ASXL3: variants seen among roughly 807,000 people sequenced by gnomAD.
ASXL3 encodes ASXL transcriptional regulator 3, also known as putative Polycomb group protein ASXL3.
Under a neutral mutation model 170.6 loss-of-function variants are expected in ASXL3, and 34 were observed. The observed-to-expected ratio is 0.20, with a 90% CI of 0.15 to 0.27. The LOEUF (loss-of-function observed/expected upper bound fraction) is 0.27. Ranked by LOEUF, ASXL3 falls within the 10% of genes least tolerant of loss-of-function variation. The probability of loss-of-function intolerance (pLI) is 1.00; values close to 1 mark genes in which losing one functional copy is unlikely to be tolerated. For synonymous variants in ASXL3, 1,002 were observed against 989.1 expected (o/e 1.01, Z -0.24); for missense variants, 2,592 against 2,695.3 (o/e 0.96, Z 0.85).
At chr18:33,633,613 G>C (rs963445567) in intron 2 of ASXL3, among the ~76,000 whole-genome samples, 4 of 152,054 alleles carry the variant, frequency 2.6e-5, no homozygotes, top group South Asian at 2.1e-4. Flanking sequence ...GGAGGCCAAG[G>C]GGGGTGGATC....
chr18:33,603,413 T>C (rs745691600), intron 1 of ASXL3, among the ~76,000 whole-genome samples: 64 of 152,050 alleles, frequency 4.2e-4, no homozygotes, highest in Non-Finnish European at 6.0e-4. Flanking sequence ...TTACAGGTCC[T>C]TTTTTGCATT....
At chr18:33,731,105 A>ATGAT (rs1282380595) in intron 8 of ASXL3, among the ~76,000 whole-genome samples, 1 of 152,180 alleles carries the variant, frequency 6.6e-6, no homozygotes, top group African/African-American at 2.4e-5. Context: ...CTCCTGAATG[A>ATGAT]TGATTGAACT....
intron 2 of ASXL3, among the ~76,000 whole-genome samples, chr18:33,636,882 G>A (rs996399533): frequency 2.6e-5 from 4 of 152,138 alleles, no homozygotes; most frequent in Non-Finnish European, 4.4e-5. Context: ...AAGGTCCTAT[G>A]AGTGTTTCCT....
chr18:33,585,037 T>C (rs2065024802), intron 1 of ASXL3, among the ~76,000 whole-genome samples: 1 of 152,130 alleles, frequency 6.6e-6, no homozygotes. Flanking sequence ...GCCTATGTCA[T>C]ACTTATTCCC....
chr18:33,665,055 GA>G, intron 5 of ASXL3, among the ~76,000 whole-genome samples: 1 of 152,074 alleles, frequency 6.6e-6, no homozygotes, highest in East Asian at 1.9e-4. Flanking sequence ...TTTTAGTTAT[GA>G]TCCTAAAAAG....
chr18:33,593,814 C>T (rs1178270948), intron 1 of ASXL3, among the ~76,000 whole-genome samples: 1 of 152,172 alleles, frequency 6.6e-6, no homozygotes, highest in East Asian at 1.9e-4. Context: ...TTAAAATTTT[C>T]AGCCTATATA....
chr18:33,626,622 A>G (rs2065608030), intron 2 of ASXL3: 1 of 151,768 alleles, frequency 6.6e-6, no homozygotes. Flanking sequence ...TCTTCCCTTC[A>G]GGACAAACTA....
At chr18:33,735,914 G>C (rs9956918) in intron 10 of ASXL3, among the ~76,000 whole-genome samples, 78,236 of 151,914 alleles carry the variant, frequency 0.52, 20,631 homozygotes, top group East Asian at 0.83. Context: ...CTCAGTTCAA[G>C]GGACCTACAT....
rs375247575 is a variant in ASXL3, at chr18:33,742,940, C to T, written c.3092C>T (p.Ser1031Phe). 7 of 1,613,298 alleles carry T rather than the reference C, an allele frequency of 4.3e-6. No individual in the cohort carries two copies. In the African/African-American group the frequency reaches 8.0e-5, roughly 18 times the overall value. The change falls in exon 12 of 12, where the codon TCC becomes TTC. Residue 1031 changes from serine (S) to phenylalanine (F), a missense_variant. Ser to Phe is a radical substitution (Grantham distance 155). This residue lies in a region of ASXL3 where 2,246 missense variants were observed against 2,219.6 expected (regional missense o/e 1.01). Transcript: ENST00000269197. ...PPFIIKSQPV[S>F]KPESRASTST... is the part of the protein sequence containing the mutation. ...TTTATAATCAAGAGCCAACCAGTCT[C>T]CAAACCTGAGTCTCGAGCATCCACT...
intron 2 of ASXL3, among the ~76,000 whole-genome samples, chr18:33,643,032 A>G (rs1260230938): frequency 1.3e-5 from 2 of 151,944 alleles, no homozygotes; most frequent in African/African-American, 2.4e-5. Flanking sequence ...AAAATTCTAC[A>G]TTGTGTCATT....
intron 9 of ASXL3, among the ~76,000 whole-genome samples, chr18:33,733,317 C>T (rs2067483472): frequency 6.6e-6 from 1 of 152,054 alleles, no homozygotes; most frequent in South Asian, 2.1e-4. Context: ...CTTCTCTTCC[C>T]TCTCAACTCC....
chr18:33,647,424 C>G (rs985939197), intron 4 of ASXL3, among the ~76,000 whole-genome samples: 3 of 152,084 alleles, frequency 2.0e-5, no homozygotes, highest in Non-Finnish European at 4.4e-5. Flanking sequence ...TTTTACTTTT[C>G]ATGTGACTTG....
chr18:33,581,515 A>G (rs1300557571), intron 1 of ASXL3, among the ~76,000 whole-genome samples: 1 of 140,194 alleles, frequency 7.1e-6, no homozygotes. Context: ...TTCTTGAAAG[A>G]TAGGACATCA....
intron 4 of ASXL3, among the ~76,000 whole-genome samples, chr18:33,657,185 T>C (rs537039704): frequency 4.6e-4 from 70 of 152,118 alleles, no homozygotes; most frequent in African/African-American, 1.6e-3. Flanking sequence ...GGGGAAGCTG[T>C]TCAGAATTTG....
At chr18:33,660,413 A>G (rs1397587375) in intron 4 of ASXL3, among the ~76,000 whole-genome samples, 1 of 152,166 alleles carries the variant, frequency 6.6e-6, no homozygotes, top group African/African-American at 2.4e-5. Context: ...TGAGTCTATC[A>G]GAAGCCACTT....
rs1333815571 is a variant in ASXL3, at chr18:33,607,613, A to G, written c.74A>G (p.Asn25Ser). ...TTTTAGGCACTAGAAAAACACCCCA[A>G]CTCACCAATGACAGCAAAGCAGATA... ...AARLALEKHP[N>S]SPMTAKQILE... The change falls in exon 2 of 12, where the codon AAC becomes AGC. Residue 25 changes from asparagine to serine, a missense_variant. By Grantham distance (46) the Asn-to-Ser change is conservative (BLOSUM62 1). This residue lies in a region of ASXL3 where 251 missense variants were observed against 281.9 expected (regional missense o/e 0.89). Transcript: ENST00000269197. 3.1e-6 allele frequency: 5 copies of G among 1,588,966 alleles called. No individual in the cohort carries two copies. The highest frequency in any genetic ancestry group is 1.1e-5 in the South Asian group (1 of 86,980).
At chr18:33,681,794 T>C (rs1452962312) in intron 7 of ASXL3, among the ~76,000 whole-genome samples, 31 of 152,106 alleles carry the variant, frequency 2.0e-4, no homozygotes, top group Admixed American at 2.0e-3. Flanking sequence ...GAAACTTCTA[T>C]AAATATGCAT....
chr18:33,663,162 G>A (rs1318369332), intron 5 of ASXL3, among the ~76,000 whole-genome samples: 1 of 152,158 alleles, frequency 6.6e-6, no homozygotes, highest in African/African-American at 2.4e-5. Flanking sequence ...AAAAACAGCT[G>A]TAGGTAGCAA....
At chr18:33,740,836 T>G (rs968464965) in intron 11 of ASXL3, among the ~76,000 whole-genome samples, 2 of 152,000 alleles carry the variant, frequency 1.3e-5, no homozygotes, top group African/African-American at 4.8e-5. Flanking sequence ...CAGTGTAATT[T>G]TTTCTAAGTT....
Sources: gnomAD v4.1 joint callset for allele counts (sites outside exome capture counted in the v4.1 genomes callset) on GRCh38, gnomAD v4.1.1 for gene constraint, gnomAD v4.1.1 regional missense constraint, MANE v1.5 for transcripts, NCBI Gene and HGNC (gene_info 2026-07-23, HGNC 2026-07-21) for gene names.